ATP8A2: variants seen among roughly 807,000 people sequenced by gnomAD.
The protein encoded by ATP8A2 is phospholipid-transporting ATPase IB.
In ATP8A2, 100 loss-of-function variants were observed where a neutral mutation model predicts 165.6. That is an observed-to-expected ratio of 0.60 (90% CI 0.51 to 0.71). The LOEUF is 0.71. Among genes scored for constraint, ATP8A2 ranks in the 30% least tolerant of loss-of-function variants. ATP8A2 has a pLI of 0.00. For synonymous variants in ATP8A2, 543 were observed against 548.8 expected, an observed-to-expected ratio of 0.99 and a Z score of 0.15; for missense variants, 1,227 against 1,479.5, an observed-to-expected ratio of 0.83 and a Z score of 2.80.
At chr13:25,971,144 G>A (rs1270396415) in intron 35 of ATP8A2, among the ~76,000 whole-genome samples, 1 of 151,798 alleles carries the variant, frequency 6.6e-6, no homozygotes, top group Admixed American at 6.6e-5. Flanking sequence ...AACACAGTTT[G>A]GGGGCTCTGC....
rs554575255 is a variant in ATP8A2, at chr13:25,518,656, G to A, written c.222-11343G>A. 2.0e-5 allele frequency among the ~76,000 whole-genome samples: 3 copies of A among 152,260 alleles called. No individual in the cohort carries two copies. In the South Asian group the frequency reaches 6.2e-4, roughly 32 times the overall value. ...GCTGTCAACTTCAATTTTTCTCGTA[G>A]CTGGAAAATCAGACTCTGGTATTGT... On this transcript the variant is annotated intron_variant, in intron 2 of 36. Coordinates refer to ENST00000381655, the MANE Select transcript of ATP8A2 (RefSeq NM_016529.6).
intron 15 of ATP8A2, among the ~76,000 whole-genome samples, chr13:25,562,046 C>T (rs2039171918): frequency 6.6e-6 from 1 of 152,158 alleles, no homozygotes; most frequent in South Asian, 2.1e-4. Context: ...GTTGCTTCCA[C>T]CTTTTGGCTA....
chr13:25,781,563 A>C (rs911975202), intron 27 of ATP8A2, among the ~76,000 whole-genome samples: 4 of 152,100 alleles, frequency 2.6e-5, no homozygotes, highest in African/African-American at 9.7e-5. Context: ...GTGTTGGCTC[A>C]CTGCAACCTC....
rs113210038 is a variant in ATP8A2, at chr13:25,882,827, C to T, written c.3183+20419C>T. Reference sequence around the variant, plus strand: ...AAGCGTCTACTCACTGATGGAGGGGCGCTATAAATGAAGAGAGTTGTGTTC... The same window carrying T: ...AAGCGTCTACTCACTGATGGAGGGGTGCTATAAATGAAGAGAGTTGTGTTC... On this transcript the variant is annotated intron_variant, in intron 33 of 36. Transcript: ENST00000381655. Among the ~76,000 whole-genome samples the T allele has an allele frequency of 3.3e-3, 494 of 151,958 alleles. 4 individuals carry two copies. The highest frequency in any genetic ancestry group is 0.011 in the African/African-American group (435 of 41,428).
chr13:25,458,873 G>C (rs1057081965), intron 1 of ATP8A2, among the ~76,000 whole-genome samples: 11 of 152,190 alleles, frequency 7.2e-5, no homozygotes, highest in Admixed American at 2.0e-4. Context: ...TCGCTTGGTA[G>C]GGTTGTGGAA....
chr13:25,839,525 C>G, intron 29 of ATP8A2, 21 bp from the exon 30 acceptor site: 1 of 1,604,104 alleles, frequency 6.2e-7, no homozygotes, highest in Admixed American at 1.7e-5. Context: ...CTCCTGACTC[C>G]CTTGGTTTGT....
At chr13:25,658,871 T>A (rs1282385690) in intron 24 of ATP8A2, among the ~76,000 whole-genome samples, 2 of 152,150 alleles carry the variant, frequency 1.3e-5, no homozygotes, top group Admixed American at 1.3e-4. Context: ...GCTCCCTGAT[T>A]ACAAAGAGTC....
intron 1 of ATP8A2, among the ~76,000 whole-genome samples, chr13:25,414,779 G>A (rs1372009376): frequency 6.6e-6 from 1 of 152,158 alleles, no homozygotes; most frequent in African/African-American, 2.4e-5. Flanking sequence ...CCCAAGTTGT[G>A]GTTAATTACC....
At chr13:25,921,710 A>G (rs1262316107) in intron 33 of ATP8A2, among the ~76,000 whole-genome samples, 3 of 152,166 alleles carry the variant, frequency 2.0e-5, no homozygotes, top group Non-Finnish European at 2.9e-5. Flanking sequence ...TTGTACTGTC[A>G]TGAAAGACTT....
At chr13:25,892,737 C>T (rs997285898) in intron 33 of ATP8A2, among the ~76,000 whole-genome samples, 5 of 151,966 alleles carry the variant, frequency 3.3e-5, no homozygotes, top group East Asian at 1.9e-4. Context: ...TATTTGATGA[C>T]GTCTGTGACT....
intron 19 of ATP8A2, among the ~76,000 whole-genome samples, chr13:25,576,693 A>G (rs2039628371): frequency 6.6e-6 from 1 of 152,178 alleles, no homozygotes; most frequent in Non-Finnish European, 1.5e-5. Flanking sequence ...TGAGTCTCCC[A>G]CTTTCCTACC....
chr13:25,922,621 G>A (rs978018155), intron 33 of ATP8A2, among the ~76,000 whole-genome samples: 5 of 152,172 alleles, frequency 3.3e-5, no homozygotes, highest in Admixed American at 1.3e-4. Flanking sequence ...TCGCATTCCC[G>A]GAGCTCTTCG....
At chr13:25,976,920 T>C (rs1323250490) in intron 35 of ATP8A2, among the ~76,000 whole-genome samples, 2 of 152,156 alleles carry the variant, frequency 1.3e-5, no homozygotes, top group Non-Finnish European at 2.9e-5. Context: ...CCTGAGTAGC[T>C]GGGATTACAG....
At chr13:25,440,310 C>T (rs2034897112) in intron 1 of ATP8A2, among the ~76,000 whole-genome samples, 1 of 152,044 alleles carries the variant, frequency 6.6e-6, no homozygotes, top group Non-Finnish European at 1.5e-5. Flanking sequence ...GTGTTTCTTC[C>T]TTCCTCTTTC....
chr13:25,666,269 G>A (rs1480965339), intron 24 of ATP8A2, among the ~76,000 whole-genome samples: 1 of 151,948 alleles, frequency 6.6e-6, no homozygotes, highest in Non-Finnish European at 1.5e-5. Context: ...GGATTGCAGT[G>A]GCACAATCTT....
At chr13:25,413,185 G>T (rs1351602371) in intron 1 of ATP8A2, among the ~76,000 whole-genome samples, 1 of 151,852 alleles carries the variant, frequency 6.6e-6, no homozygotes, top group Non-Finnish European at 1.5e-5. Flanking sequence ...ATTTTTTGGT[G>T]CAGTACTGCA....
chr13:25,530,913 G>A (rs2038011230), intron 4 of ATP8A2, among the ~76,000 whole-genome samples: 2 of 151,946 alleles, frequency 1.3e-5, no homozygotes, highest in Admixed American at 6.6e-5. Flanking sequence ...TATCACTGAT[G>A]TTCCTTATAG....
intron 1 of ATP8A2, among the ~76,000 whole-genome samples, chr13:25,423,431 G>A (rs2034355663): frequency 6.6e-6 from 1 of 152,062 alleles, no homozygotes; most frequent in Non-Finnish European, 1.5e-5. Flanking sequence ...AGTGATCCTT[G>A]GTCATGTGCA....
intron 24 of ATP8A2, among the ~76,000 whole-genome samples, chr13:25,611,988 C>T (rs1170196271): frequency 6.6e-6 from 1 of 151,938 alleles, no homozygotes; most frequent in Non-Finnish European, 1.5e-5. Flanking sequence ...TAATAACTCC[C>T]GTTTCATTTC....
Sources: allele counts gnomAD v4.1 joint callset (sites outside exome capture counted in the v4.1 genomes callset), GRCh38; gene constraint gnomAD v4.1.1; transcripts MANE v1.5; gene names NCBI Gene and HGNC (gene_info 2026-07-23, HGNC 2026-07-21).